Variants in COG5 observed in about 807,000 individuals in gnomAD.
COG5 encodes component of oligomeric golgi complex 5.
In COG5, 86 loss-of-function variants were observed where a neutral mutation model predicts 110.4. The observed-to-expected ratio is 0.78, with a 90% CI of 0.65 to 0.93. The LOEUF is 0.93. Ranked by LOEUF, COG5 falls within the 40% of genes least tolerant of loss-of-function variation. The pLI, the probability that COG5 is intolerant of heterozygous loss-of-function variation, is 0.00. For missense variants in COG5, 1,077 were observed against 987.0 expected, an observed-to-expected ratio of 1.09 and a Z score of -1.22; for synonymous variants, 360 against 334.6, an observed-to-expected ratio of 1.08 and a Z score of -0.83.
chr7:107,458,516 T>C (rs986494921), intron 6 of COG5, among the ~76,000 whole-genome samples: 12 of 152,264 alleles, frequency 7.9e-5, no homozygotes, highest in Non-Finnish European at 1.5e-4. Context: ...GAGTTAAGCA[T>C]GTATATCAAA....
intron 12 of COG5, among the ~76,000 whole-genome samples, chr7:107,295,230 C>G (rs1432856656): frequency 2.0e-5 from 3 of 149,416 alleles, no homozygotes; most frequent in Admixed American, 6.7e-5. Context: ...AGCCACCACA[C>G]CGTACCCAGT....
intron 6 of COG5, among the ~76,000 whole-genome samples, chr7:107,445,644 C>A (rs1584832364): frequency 6.6e-6 from 1 of 152,040 alleles, no homozygotes; most frequent in East Asian, 1.9e-4. Flanking sequence ...CTATTTCATT[C>A]TTTAGTGTAA....
intron 2 of COG5, among the ~76,000 whole-genome samples, chr7:107,555,716 A>T (rs542711796): frequency 5.9e-5 from 9 of 152,196 alleles, no homozygotes; most frequent in Non-Finnish European, 1.3e-4. Context: ...GGAAGACAAG[A>T]GAGAGGAAAG....
At chr7:107,485,469 A>C (rs1797603086) in intron 6 of COG5, among the ~76,000 whole-genome samples, 2 of 152,228 alleles carry the variant, frequency 1.3e-5, no homozygotes, top group Admixed American at 1.3e-4. Context: ...TTCTATGGGT[A>C]CTATTTATAT....
At chr7:107,371,233 T>C (rs1288546469) in intron 8 of COG5, among the ~76,000 whole-genome samples, 1 of 152,162 alleles carries the variant, frequency 6.6e-6, no homozygotes, top group Non-Finnish European at 1.5e-5. Context: ...TCTCTTTTTA[T>C]CCAGTACAAC....
chr7:107,315,685 T>C (rs1185488986), intron 11 of COG5, among the ~76,000 whole-genome samples: 7 of 152,138 alleles, frequency 4.6e-5, no homozygotes, highest in Non-Finnish European at 8.8e-5. Flanking sequence ...ATCTGTTACA[T>C]TGTGTGTAAT....
Position 107,527,250 on chromosome 7 carries a change from ACT to A in COG5, c.523_524del (p.Leu176GlnfsTer2). ...GSREITKAAQ[S>X]LNELDYLSQG... ...AAAAAAACTTACCAAGTTCATTGAG[ACT>A]CTGAGCAGCTTTTGTTATCTCTCTA... On this transcript the variant is annotated frameshift_variant, in exon 6 of 22. Coordinates refer to ENST00000297135, the MANE Select transcript of COG5 (RefSeq NM_006348.5). LOFTEE classifies it high-confidence loss of function. 6.3e-7 allele frequency: 1 copy of A among 1,592,050 alleles called. No homozygotes were observed. Among genetic ancestry groups the A allele is most frequent in the Non-Finnish European group, 8.6e-7 (1 of 1,167,368 alleles).
At chr7:107,213,639 CA>C (rs1334327726) in intron 19 of COG5, among the ~76,000 whole-genome samples, 18 of 152,216 alleles carry the variant, frequency 1.2e-4, no homozygotes, top group Non-Finnish European at 2.1e-4. Flanking sequence ...GCTCAGCCAG[CA>C]GCCGCATCCA....
chr7:107,316,563 C>G (rs964319981), intron 11 of COG5, among the ~76,000 whole-genome samples: 1 of 150,828 alleles, frequency 6.6e-6, no homozygotes, highest in Non-Finnish European at 1.5e-5. Flanking sequence ...CCTGTAATCC[C>G]GGCACTTTGG....
chr7:107,404,885 GA>G (rs59988899), intron 7 of COG5, among the ~76,000 whole-genome samples: 3,318 of 32,448 alleles, frequency 0.1, 68 homozygotes, highest in African/African-American at 0.23. Context: ...TTCAGAAGAT[GA>G]AAAAAAAAAA....
At chr7:107,268,470 T>C (rs994857733) in intron 14 of COG5, among the ~76,000 whole-genome samples, 2 of 152,218 alleles carry the variant, frequency 1.3e-5, no homozygotes, top group Admixed American at 1.3e-4. Flanking sequence ...CATGGCACTA[T>C]ATTCGTCATT....
chr7:107,483,689 A>G (rs1455338863), intron 6 of COG5, among the ~76,000 whole-genome samples: 2 of 151,892 alleles, frequency 1.3e-5, no homozygotes. Context: ...GGGAGGCAAC[A>G]AGAGCAAAAC....
chr7:107,283,931 C>CTTTTTTTTTTTTTTTTTTTTTTTTTT (rs71522833), intron 12 of COG5, among the ~76,000 whole-genome samples, 199 bp from the exon 13 acceptor site: 1 of 142,636 alleles, frequency 7.0e-6, no homozygotes, highest in Non-Finnish European at 1.5e-5. Context: ...CCATAGTAAC[C>CTTTTTTTTTTTTTTTTTTTTTTTTTT]TTTTTTTTTT....
chr7:107,393,914 AATATAAAATT>A (rs978106624), intron 7 of COG5, among the ~76,000 whole-genome samples: 9 of 152,262 alleles, frequency 5.9e-5, no homozygotes, highest in Admixed American at 4.6e-4. Context: ...CATAGATTAT[AATATAAAATT>A]TGATAAAAGA....
chr7:107,549,614 G>C (rs1267360413), intron 3 of COG5, among the ~76,000 whole-genome samples: 3 of 150,392 alleles, frequency 2.0e-5, no homozygotes, highest in Non-Finnish European at 4.4e-5. Flanking sequence ...ATGTTAGCCA[G>C]GATGGTCTCG....
At chr7:107,303,800 T>A (rs1320842612) in intron 11 of COG5, among the ~76,000 whole-genome samples, 1 of 152,194 alleles carries the variant, frequency 6.6e-6, no homozygotes, top group Non-Finnish European at 1.5e-5. Context: ...ATATTACCTA[T>A]ACAATTTTAA....
Position 107,441,862 on chromosome 7 carries a change from A to G in COG5, c.539-29230T>C, listed in dbSNP as rs989309216. 2.0e-5 allele frequency among the ~76,000 whole-genome samples: 3 copies of G among 152,252 alleles called. No individual in the cohort carries two copies. In the East Asian group the frequency reaches 5.8e-4, roughly 29 times the overall value. On this transcript the variant is annotated intron_variant, in intron 6 of 21. Transcript: ENST00000297135. ...ATTCTATCAATCAGGGATTTATTTA[A>G]TAAGTCACATTTTAAAATAGAAATA...
intron 16 of COG5, among the ~76,000 whole-genome samples, chr7:107,249,805 T>C (rs1287289554): frequency 6.6e-6 from 1 of 151,608 alleles, no homozygotes; most frequent in Non-Finnish European, 1.5e-5. Context: ...ACGTTATGCA[T>C]GTTGAGTAAC....
chr7:107,295,080 T>C lies in COG5; in HGVS notation c.1313+3062A>G, dbSNP rs1218113262. Among the ~76,000 whole-genome samples, 401 of 61,002 alleles carry C rather than the reference T, an allele frequency of 6.6e-3. 3 individuals are homozygous for C. The highest frequency in any genetic ancestry group is 0.028 in the African/African-American group (375 of 13,480). 40.0% of individuals were successfully genotyped at this position (61,002 alleles called of 152,430 possible). A position where few individuals can be genotyped will look rare whatever the true frequency, so the allele number is the denominator to read the frequency against. ...ACACACACACACATATATATATATA[T>C]ATATATATATATATATATATATTTT... On this transcript the variant is annotated intron_variant, in intron 12 of 21. Coordinates refer to ENST00000297135, the MANE Select transcript of COG5 (RefSeq NM_006348.5).
Sources: allele counts gnomAD v4.1 joint callset (sites outside exome capture counted in the v4.1 genomes callset), GRCh38; gene constraint gnomAD v4.1.1; transcripts MANE v1.5; gene names NCBI Gene and HGNC (gene_info 2026-07-23, HGNC 2026-07-21).